Variants in ERC2 observed in about 807,000 individuals in gnomAD.
ERC2 encodes ERC protein 2.
Under a neutral mutation model 114.8 loss-of-function variants are expected in ERC2, and 42 were observed. The ratio of observed to expected loss-of-function variants is 0.37; its 90% confidence interval spans 0.29 to 0.47. The LOEUF (loss-of-function observed/expected upper bound fraction) is 0.47. ERC2 is among the 20% of genes least tolerant of loss of function. The pLI, the probability that ERC2 is intolerant of heterozygous loss-of-function variation, is 0.99. For missense variants in ERC2, 939 were observed against 1,150.7 expected (o/e 0.82, Z 2.66); for synonymous variants, 454 against 425.5 (o/e 1.07, Z -0.82).
chr3:56,202,764 G>A (rs9865282), intron 3 of ERC2, among the ~76,000 whole-genome samples: 6,630 of 152,060 alleles, frequency 0.044, 200 homozygotes, highest in African/African-American at 0.082. Context: ...ACAGTAGAAG[G>A]GGACAAATTT....
intron 3 of ERC2, among the ~76,000 whole-genome samples, chr3:56,243,435 T>C (rs1025303151): frequency 1.1e-4 from 17 of 152,174 alleles, no homozygotes; most frequent in African/African-American, 4.1e-4. Flanking sequence ...GACTTGGGTG[T>C]TTCCTGTGTT....
intron 14 of ERC2, among the ~76,000 whole-genome samples, chr3:55,811,868 T>A (rs556948639): frequency 6.6e-6 from 1 of 152,348 alleles, no homozygotes; most frequent in Admixed American, 6.5e-5. Context: ...TATTTTATTT[T>A]AAGTTCCAGG....
intron 2 of ERC2, among the ~76,000 whole-genome samples, chr3:56,387,044 T>C (rs1266520183): frequency 6.6e-6 from 1 of 152,172 alleles, no homozygotes; most frequent in Non-Finnish European, 1.5e-5. Context: ...TGTGATTATT[T>C]TGGCACCAAC....
chr3:56,296,110 C>A lies in ERC2; in HGVS notation c.983G>T (p.Arg328Leu), dbSNP rs754015897. Residue 328 changes from arginine (R) to leucine (L), a missense_variant, in exon 3 of 18, where the codon CGA becomes CTA. Arg to Leu is a moderately radical substitution (Grantham distance 102). Coordinates refer to ENST00000288221, the MANE Select transcript of ERC2 (RefSeq NM_015576.3). ...CTCAGCCTCTGCCATCCGCCGCGTT[C>A]GCTCATTGTCATCCTCCAGGCTTTT... ...PSKSLEDDNERTRRMAEAESQ... is the reference protein window; with the variant it reads ...PSKSLEDDNELTRRMAEAESQ... 8.7e-6 allele frequency: 14 copies of A among 1,614,004 alleles called. No homozygotes were observed. The highest frequency in any genetic ancestry group is 1.2e-5 in the Non-Finnish European group (14 of 1,179,866).
intron 2 of ERC2, among the ~76,000 whole-genome samples, chr3:56,411,590 G>A (rs1282611506): frequency 6.6e-6 from 1 of 152,028 alleles, no homozygotes; most frequent in African/African-American, 2.4e-5. Flanking sequence ...CTAAATGGAA[G>A]TAACAACAAC....
At chr3:55,592,840 C>G (rs1412696892) in intron 17 of ERC2, among the ~76,000 whole-genome samples, 1 of 152,192 alleles carries the variant, frequency 6.6e-6, no homozygotes, top group Non-Finnish European at 1.5e-5. Flanking sequence ...CACCTACCCA[C>G]CTTTGGTAGC....
At chr3:55,554,427 C>A (rs1339025578) in intron 17 of ERC2, among the ~76,000 whole-genome samples, 1 of 152,158 alleles carries the variant, frequency 6.6e-6, no homozygotes, top group African/African-American at 2.4e-5. Context: ...TCCATTTTGT[C>A]TGTTGCTTTC....
intron 3 of ERC2, among the ~76,000 whole-genome samples, chr3:56,194,303 G>C (rs1442074456): frequency 6.6e-6 from 1 of 152,072 alleles, no homozygotes; most frequent in East Asian, 1.9e-4. Context: ...GGAAAAAAAA[G>C]GTATTTGCAG....
chr3:56,162,061 A>G (rs2082077506), intron 4 of ERC2, among the ~76,000 whole-genome samples: 1 of 152,128 alleles, frequency 6.6e-6, no homozygotes, highest in African/African-American at 2.4e-5. Flanking sequence ...ATGTTGCTTC[A>G]ATGCCTAATT....
intron 17 of ERC2, among the ~76,000 whole-genome samples, chr3:55,579,127 AT>A (rs1330940142): frequency 1.3e-5 from 2 of 152,190 alleles, no homozygotes; most frequent in Non-Finnish European, 2.9e-5. Flanking sequence ...CAGTTATAAA[AT>A]CACACTGCAA....
intron 4 of ERC2, among the ~76,000 whole-genome samples, chr3:56,168,208 G>A (rs183664718): frequency 1.3e-5 from 2 of 152,268 alleles, no homozygotes. Context: ...GTGAATTGGG[G>A]ATAACTCTGC....
chr3:55,880,291 T>C (rs1207537984), intron 14 of ERC2, among the ~76,000 whole-genome samples: 1 of 152,242 alleles, frequency 6.6e-6, no homozygotes, highest in Non-Finnish European at 1.5e-5. Flanking sequence ...TTCTGATTCT[T>C]GCATTTGAAG....
At position 55,942,455 on chromosome 3, in the gene ERC2, AT is replaced by A. The variant is rs548251381; in HGVS notation, c.2403+7969del. Among the ~76,000 whole-genome samples, 2,315 of 135,698 alleles carry A rather than the reference AT, an allele frequency of 0.017. 178 individuals are homozygous for A. The East Asian group carries it at 0.27, about 16-fold the overall frequency. 89.0% of individuals were successfully genotyped at this position (135,698 alleles called of 152,430 possible). ...AGGCGCCCGCCACTACGCCCGGCTAATTTTTTTTTTTTTTTGTATTTTTAGT... is the reference window on the plus strand; with the variant it reads ...AGGCGCCCGCCACTACGCCCGGCTAATTTTTTTTTTTTTTGTATTTTTAGT... On this transcript the variant is annotated intron_variant, in intron 13 of 17. Transcript: ENST00000288221.
chr3:55,664,753 C>T (rs1161927137), intron 17 of ERC2, among the ~76,000 whole-genome samples: 1 of 152,336 alleles, frequency 6.6e-6, no homozygotes, highest in East Asian at 1.9e-4. Flanking sequence ...ACCAAACGCT[C>T]TTTGTGGTAC....
intron 3 of ERC2, among the ~76,000 whole-genome samples, chr3:56,216,967 A>C (rs1189553080): frequency 6.6e-6 from 1 of 152,202 alleles, no homozygotes; most frequent in African/African-American, 2.4e-5. Context: ...ACTCTCAATA[A>C]ATTAGGTATT....
At position 56,139,512 on chromosome 3, in the gene ERC2, A is replaced by G. The variant is rs781741348; in HGVS notation, c.1470T>C (p.Thr490=). ...AKEQRAAILQ[T]EVDALRLRLE... ...GAATCCTGAGAGAGTGCCTTACCTC[A>G]GTCTGAAGGATGGCAGCCCTCTGTT... is the stretch of plus-strand genomic sequence containing the variant. The change falls in exon 6 of 18, where the codon ACT becomes ACC. Residue 490 remains threonine, a synonymous_variant. Transcript: ENST00000288221. The G allele has an allele frequency of 1.2e-6, 2 of 1,611,064 alleles. No homozygotes were observed. The highest frequency in any genetic ancestry group is 2.7e-5 in the African/African-American group (2 of 74,834).
chr3:56,342,735 C>A (rs1263705511), intron 2 of ERC2, among the ~76,000 whole-genome samples: 2 of 152,152 alleles, frequency 1.3e-5, no homozygotes, highest in Admixed American at 1.3e-4. Flanking sequence ...TATTCTAGAC[C>A]TCACCCTTTT....
intron 2 of ERC2, among the ~76,000 whole-genome samples, chr3:56,403,393 G>T (rs1211574586): frequency 6.6e-6 from 1 of 152,118 alleles, no homozygotes; most frequent in South Asian, 2.1e-4. Context: ...CAAAAACTTG[G>T]TTTATCAGTC....
At chr3:56,414,690 G>T (rs573230094) in intron 2 of ERC2, among the ~76,000 whole-genome samples, 1 of 148,624 alleles carries the variant, frequency 6.7e-6, no homozygotes, top group Non-Finnish European at 1.5e-5. Context: ...ATGCCACTAC[G>T]CTCCACCCAG....
Sources: allele counts gnomAD v4.1 joint callset (sites outside exome capture counted in the v4.1 genomes callset), GRCh38; gene constraint gnomAD v4.1.1; transcripts MANE v1.5; gene names NCBI Gene and HGNC (gene_info 2026-07-23, HGNC 2026-07-21).